The following L3MBTL2 variants were observed in gnomAD, a reference collection of about 807,000 sequenced individuals.
L3MBTL2 encodes L3MBTL histone methyl-lysine binding protein 2.
Under a neutral mutation model 86.4 loss-of-function variants are expected in L3MBTL2, and 49 were observed. That is an observed-to-expected ratio of 0.57 (90% CI 0.45 to 0.72). The LOEUF is 0.72. L3MBTL2 is among the 30% of genes least tolerant of loss of function. The pLI, the probability that L3MBTL2 is intolerant of heterozygous loss-of-function variation, is 0.00. For missense variants in L3MBTL2, 755 were observed against 923.7 expected, an observed-to-expected ratio of 0.82 and a Z score of 2.37; for synonymous variants, 336 against 350.6, an observed-to-expected ratio of 0.96 and a Z score of 0.47.
Position 41,205,341 on chromosome 22 carries a change from C to A in L3MBTL2, c.-22C>A. ...CAATATGGCTTCCTGCACCTGGTGA[C>A]GCTTGGCGAAACTGAGGTCTCATGG... is the stretch of plus-strand genomic sequence containing the variant. On this transcript the variant is annotated 5_prime_UTR_variant, in exon 1 of 17. Transcript: ENST00000216237. 2 of 1,614,104 alleles carry A rather than the reference C, an allele frequency of 1.2e-6. No homozygotes were observed. Among genetic ancestry groups the A allele is most frequent in the Non-Finnish European group, 1.7e-6 (2 of 1,180,002 alleles).
At chr22:41,216,395 G>T in intron 4 of L3MBTL2, 133 bp downstream of exon 4, 1 of 1,033,166 alleles carries the variant, frequency 9.7e-7, no homozygotes, top group East Asian at 2.7e-5. Context: ...GGGTCACTGC[G>T]GATTGCATCT....
At position 41,224,343 on chromosome 22, in the gene L3MBTL2, G is replaced by C; in HGVS notation, c.1174+92G>C. The C allele has an allele frequency of 1.0e-6, 1 of 1,002,392 alleles. No individual in the cohort carries two copies. The highest frequency in any genetic ancestry group is 1.5e-6 in the Non-Finnish European group (1 of 674,186). The allele number at this position is 1,002,392 out of a possible 1,614,324, so 62.1% of individuals were successfully genotyped here. Reference sequence around the variant, plus strand: ...TCCTACTCGTCACAGCAGGTCAGCAGGTGGAGGTTGGCATGGCCCCCCTGC... The same window carrying C: ...TCCTACTCGTCACAGCAGGTCAGCACGTGGAGGTTGGCATGGCCCCCCTGC... On this transcript the variant is annotated intron_variant, in intron 9 of 16. Coordinates refer to ENST00000216237, the MANE Select transcript of L3MBTL2 (RefSeq NM_031488.5). This position sits in a 1 kb window ranked among gnomAD's most constrained non-coding sequence, Gnocchi z 4.9.
Position 41,222,851 on chromosome 22 carries a change from G to A in L3MBTL2, c.943-1169G>A, listed in dbSNP as rs2031920429. On this transcript the variant is annotated intron_variant, in intron 8 of 16. Coordinates refer to ENST00000216237, the MANE Select transcript of L3MBTL2 (RefSeq NM_031488.5). ...TGAGAGAATCGCTTGAAACCGGGAGGCCGAAGTTGCAGTGAGCTGAGATCG... is the reference window on the plus strand; with the variant it reads ...TGAGAGAATCGCTTGAAACCGGGAGACCGAAGTTGCAGTGAGCTGAGATCG... 3.3e-5 allele frequency among the ~76,000 whole-genome samples: 5 copies of A among 152,168 alleles called. No individual in the cohort carries two copies. The South Asian group carries it at 1.0e-3, about 31-fold the overall frequency.
In L3MBTL2 at chr22:41,213,904, A is replaced by T; in HGVS notation, c.274A>T (p.Met92Leu). The change falls in exon 3 of 17, where the codon ATG (methionine) becomes TTG (leucine). Residue 92 changes from methionine to leucine, a missense_variant. Transcript: ENST00000216237. ...AGTTCTCTTCCCAGCTGTCTGTGAG[A>T]TGTGTGGTATCGTGGGTACAAGGGA... ...GSGSEPAVCE[M>L]CGIVGTREAF... is the part of the protein sequence containing the mutation. 1.9e-6 allele frequency: 3 copies of T among 1,614,102 alleles called. No individual in the cohort carries two copies. Among genetic ancestry groups the T allele is most frequent in the Non-Finnish European group, 2.5e-6 (3 of 1,180,008 alleles).
At chr22:41,219,830 C>T (rs2031684237) in intron 6 of L3MBTL2, among the ~76,000 whole-genome samples, 3 of 152,176 alleles carry the variant, frequency 2.0e-5, no homozygotes, top group African/African-American at 7.2e-5. Context: ...CAACCTCCAC[C>T]TCCTGGGTTC....
At position 41,231,234 on chromosome 22, in the gene L3MBTL2, A is replaced by C. The variant is rs557383289; in HGVS notation, c.*983A>C. 1.3e-5 allele frequency: 2 copies of C among 152,048 alleles called. No individual in the cohort carries two copies. Among genetic ancestry groups the C allele is most frequent in the Admixed American group, 6.5e-5 (1 of 15,270 alleles). 9.4% of individuals were successfully genotyped at this position (152,048 alleles called of 1,614,324 possible). On this transcript the variant is annotated 3_prime_UTR_variant, in exon 17 of 17. Coordinates refer to ENST00000216237, the MANE Select transcript of L3MBTL2 (RefSeq NM_031488.5). ...ATTGCAACCTCACTGGGCTCCCCAG[A>C]CTCTGTGTGTGAGAAATTAAACCCC... is the stretch of plus-strand genomic sequence containing the variant.
intron 2 of L3MBTL2, among the ~76,000 whole-genome samples, chr22:41,212,441 A>T (rs1271643558): frequency 7.3e-6 from 1 of 137,612 alleles, no homozygotes; most frequent in Non-Finnish European, 1.5e-5. Flanking sequence ...CTTGTTGCCC[A>T]GGCTGGAGTG....
chr22:41,216,100 A>G, intron 3 of L3MBTL2, 39 bp from the exon 4 acceptor site: 1 of 1,580,894 alleles, frequency 6.3e-7, no homozygotes, highest in Non-Finnish European at 8.6e-7. Context: ...TCATGATCCC[A>G]GCCGCCAGGC....
intron 4 of L3MBTL2, among the ~76,000 whole-genome samples, chr22:41,216,637 G>T (rs536485039): frequency 6.6e-6 from 1 of 152,308 alleles, no homozygotes; most frequent in South Asian, 2.1e-4. Context: ...CTCTCTGAGT[G>T]TGTAGCAATT....
chr22:41,222,378 G>A (rs1262699112), intron 8 of L3MBTL2, among the ~76,000 whole-genome samples: 5 of 152,248 alleles, frequency 3.3e-5, no homozygotes, highest in African/African-American at 4.8e-5. Flanking sequence ...AGTCTGGGGC[G>A]CCTCTGGGCT....
Position 41,230,591 on chromosome 22 carries a change from G to A in L3MBTL2, c.*340G>A, listed in dbSNP as rs1034215156. The A allele has an allele frequency of 1.7e-4, 56 of 333,172 alleles. 1 individual carries two copies. The highest frequency in any genetic ancestry group is 1.5e-3 in the South Asian group (48 of 31,174). The allele number at this position is 333,172 out of a possible 1,614,324, so 20.6% of individuals were successfully genotyped here. A position where few individuals can be genotyped will look rare whatever the true frequency, so the allele number is the denominator to read the frequency against. ...CCCCGACCCGCCACGGCCCTCAGTT[G>A]CCAGGGATGGGGCCACCACTGTCAC... On this transcript the variant is annotated 3_prime_UTR_variant, in exon 17 of 17. Transcript: ENST00000216237.
At chr22:41,229,163 A>C (rs1198250123) in intron 15 of L3MBTL2, among the ~76,000 whole-genome samples, 1 of 152,168 alleles carries the variant, frequency 6.6e-6, no homozygotes, top group African/African-American at 2.4e-5. Flanking sequence ...AGGCTAAGGT[A>C]GGAGGATCAC....
At chr22:41,222,897 G>C (rs1057512627) in intron 8 of L3MBTL2, among the ~76,000 whole-genome samples, 4 of 152,090 alleles carry the variant, frequency 2.6e-5, no homozygotes, top group Non-Finnish European at 4.4e-5. Flanking sequence ...CTTCAGTCTG[G>C]GCCACAGAGC....
At chr22:41,220,672 A>C in intron 6 of L3MBTL2, 62 bp from the exon 7 acceptor site, 4 of 1,517,280 alleles carry the variant, frequency 2.6e-6, no homozygotes, top group Non-Finnish European at 3.5e-6. Flanking sequence ...AAAAAAAAAA[A>C]AAACAGAACA....
In L3MBTL2 at chr22:41,219,418, G is replaced by A; in HGVS notation, c.601-1G>A. 6.2e-7 allele frequency: 1 copy of A among 1,603,240 alleles called. No individual in the cohort carries two copies. Among genetic ancestry groups the A allele is most frequent in the South Asian group, 1.1e-5 (1 of 90,846 alleles). On this transcript the variant is annotated splice_acceptor_variant, in intron 5 of 16. Transcript: ENST00000216237. LOFTEE classifies it high-confidence loss of function. ...CTCGGTACACTCTCATCGCCACACA[G>A]GTCCCACTCTATGACCAGTGGGAGG... is the stretch of plus-strand genomic sequence containing the variant.
chr22:41,224,363 C>T lies in L3MBTL2; in HGVS notation c.1174+112C>T. 6 of 758,274 alleles carry T rather than the reference C, an allele frequency of 7.9e-6. No homozygotes were observed. The highest frequency in any genetic ancestry group is 1.3e-5 in the Non-Finnish European group (6 of 464,176). The allele number at this position is 758,274 out of a possible 1,614,324, so 47.0% of individuals were successfully genotyped here. A position where few individuals can be genotyped will look rare whatever the true frequency, so the allele number is the denominator to read the frequency against. Reference sequence around the variant, plus strand: ...CAGCAGGTGGAGGTTGGCATGGCCCCCCTGCAGTGATGATACTGAGCTCCA... The same window carrying T: ...CAGCAGGTGGAGGTTGGCATGGCCCTCCTGCAGTGATGATACTGAGCTCCA... On this transcript the variant is annotated intron_variant, in intron 9 of 16. Coordinates refer to ENST00000216237, the MANE Select transcript of L3MBTL2 (RefSeq NM_031488.5). This position sits in a 1 kb window ranked among gnomAD's most constrained non-coding sequence, Gnocchi z 4.9.
rs1601536633 is a variant in L3MBTL2 at position 41,227,168 on chromosome 22, C to T, written c.1667C>T (p.Ala556Val). The change falls in exon 14 of 17, where the codon GCC (alanine) becomes GTC (valine). Residue 556 changes from alanine (A) to valine (V), a missense_variant. This residue lies in a region of L3MBTL2 where 634 missense variants were observed against 748.9 expected (regional missense o/e 0.85). Coordinates refer to ENST00000216237, the MANE Select transcript of L3MBTL2 (RefSeq NM_031488.5). The surrounding 1 kb of genome is among the most constrained non-coding windows in gnomAD (Gnocchi z 6.0). ...DLMEPRLICV[A>V]TVKRVVHRLL... is the part of the protein sequence containing the mutation. The stretch of plus-strand genomic sequence containing the variant: ...ATGGAGCCCCGGCTCATCTGTGTGG[C>T]CACGGTGAAACGAGTGGTGCATCGG... The T allele has an allele frequency of 6.2e-7, 1 of 1,613,746 alleles. No homozygotes were observed. Among genetic ancestry groups the T allele is most frequent in the East Asian group, 2.2e-5 (1 of 44,892 alleles).
At chr22:41,215,531 A>G (rs944395238) in intron 3 of L3MBTL2, among the ~76,000 whole-genome samples, 2 of 152,204 alleles carry the variant, frequency 1.3e-5, no homozygotes, top group Non-Finnish European at 2.9e-5. Flanking sequence ...CTTCCTGTTC[A>G]GTACTTAAGT....
intron 8 of L3MBTL2, among the ~76,000 whole-genome samples, chr22:41,222,067 T>C (rs2031867199): frequency 6.6e-6 from 1 of 151,638 alleles, no homozygotes; most frequent in Admixed American, 6.6e-5. Flanking sequence ...CATACTTGGC[T>C]AATTTTTGTA....
Sources: gnomAD v4.1 joint callset for allele counts (sites outside exome capture counted in the v4.1 genomes callset) on GRCh38, gnomAD v4.1.1 for gene constraint, gnomAD v4.1.1 regional missense constraint, Gnocchi (gnomAD v3.1) non-coding constraint, MANE v1.5 for transcripts, NCBI Gene and HGNC (gene_info 2026-07-23, HGNC 2026-07-21) for gene names.